The following CTNND2 variants were observed in gnomAD, a reference collection of about 807,000 sequenced individuals.
The protein encoded by CTNND2 is catenin delta-2.
In CTNND2, 22 loss-of-function variants were observed where a neutral mutation model predicts 144.4. The ratio of observed to expected loss-of-function variants is 0.15; its 90% CI spans 0.11 to 0.22. The LOEUF (loss-of-function observed/expected upper bound fraction) is 0.22. CTNND2 is among the 10% of genes least tolerant of loss of function. CTNND2 has a pLI of 1.00. For synonymous variants in CTNND2, 751 were observed against 695.6 expected (o/e 1.08, Z -1.25); for missense variants, 1,353 against 1,618.8 (o/e 0.84, Z 2.82).
At chr5:11,580,269 T>C (rs933763810) in intron 2 of CTNND2, among the ~76,000 whole-genome samples, 1 of 152,206 alleles carries the variant, frequency 6.6e-6, no homozygotes, top group African/African-American at 2.4e-5. Flanking sequence ...CTACCCATGG[T>C]TAACCAGTTG....
intron 2 of CTNND2, among the ~76,000 whole-genome samples, chr5:11,643,147 G>A (rs974784639): frequency 3.9e-5 from 6 of 152,178 alleles, no homozygotes; most frequent in East Asian, 1.9e-4. Context: ...AAAATAGATC[G>A]CAAACTGTAA....
chr5:11,004,445 T>C (rs1740267502), intron 18 of CTNND2, among the ~76,000 whole-genome samples: 1 of 152,152 alleles, frequency 6.6e-6, no homozygotes, highest in Non-Finnish European at 1.5e-5. Flanking sequence ...AACTTCAAGT[T>C]CTCTATATTC....
intron 1 of CTNND2, among the ~76,000 whole-genome samples, chr5:11,840,681 A>C (rs1441725596): frequency 3.9e-5 from 6 of 152,184 alleles, no homozygotes; most frequent in African/African-American, 1.4e-4. Flanking sequence ...CATGCTGTTT[A>C]GAGTAAAATA....
At chr5:11,789,316 G>A (rs1021850437) in intron 1 of CTNND2, among the ~76,000 whole-genome samples, 2 of 152,104 alleles carry the variant, frequency 1.3e-5, no homozygotes, top group East Asian at 3.9e-4. Context: ...ATTTTGGAGT[G>A]GGAGAGCATT....
intron 3 of CTNND2, among the ~76,000 whole-genome samples, chr5:11,423,330 G>C (rs1232463167): frequency 6.6e-6 from 1 of 152,188 alleles, no homozygotes; most frequent in Non-Finnish European, 1.5e-5. Context: ...CCCTGATCCT[G>C]AGAGTGAAGA....
intron 16 of CTNND2, among the ~76,000 whole-genome samples, chr5:11,038,347 T>C (rs1386907998): frequency 1.3e-5 from 2 of 152,024 alleles, no homozygotes; most frequent in Non-Finnish European, 2.9e-5. Context: ...CTTACAGGAG[T>C]GTGAGCCCTA....
At chr5:11,311,598 C>T (rs1274495912) in intron 9 of CTNND2, among the ~76,000 whole-genome samples, 1 of 140,044 alleles carries the variant, frequency 7.1e-6, no homozygotes, top group African/African-American at 2.7e-5. Flanking sequence ...CATACATACT[C>T]TCACACACTC....
intron 16 of CTNND2, among the ~76,000 whole-genome samples, chr5:11,048,427 A>G (rs1031937472): frequency 6.6e-6 from 1 of 152,208 alleles, no homozygotes; most frequent in Non-Finnish European, 1.5e-5. Context: ...TTGCATGCAT[A>G]TATTTTTAGG....
chr5:11,124,142 C>G (rs1020151895), intron 12 of CTNND2, among the ~76,000 whole-genome samples: 2 of 152,100 alleles, frequency 1.3e-5, no homozygotes, highest in Admixed American at 6.5e-5. Context: ...ACAGGCACCC[C>G]CAGTAACAAG....
chr5:11,192,779 G>T (rs1158348098), intron 11 of CTNND2, among the ~76,000 whole-genome samples: 1 of 152,140 alleles, frequency 6.6e-6, no homozygotes, highest in Admixed American at 6.5e-5. Context: ...TGTCAGGCCT[G>T]TAACCTCCAG....
intron 3 of CTNND2, among the ~76,000 whole-genome samples, chr5:11,443,353 G>A (rs1436387695): frequency 3.6e-5 from 2 of 55,918 alleles, no homozygotes; most frequent in African/African-American, 8.6e-5. Context: ...GAGTGTGTGG[G>A]AGGGTGTGTG....
At chr5:11,656,836 G>T (rs1782940386) in intron 2 of CTNND2, among the ~76,000 whole-genome samples, 1 of 152,078 alleles carries the variant, frequency 6.6e-6, no homozygotes, top group African/African-American at 2.4e-5. Context: ...TCAGTATAAA[G>T]AAGACAGGCA....
chr5:11,441,725 T>C (rs1164188598), intron 3 of CTNND2, among the ~76,000 whole-genome samples: 1 of 149,094 alleles, frequency 6.7e-6, no homozygotes, highest in Non-Finnish European at 1.5e-5. Context: ...TAATACCCTG[T>C]CTCACTGAAC....
intron 11 of CTNND2, among the ~76,000 whole-genome samples, chr5:11,199,126 G>A (rs555446977): frequency 1.3e-5 from 2 of 152,266 alleles, no homozygotes; most frequent in South Asian, 4.1e-4. Flanking sequence ...CTTGTCCTTT[G>A]ATCAATTATT....
At chr5:11,442,589 G>A (rs1245567405) in intron 3 of CTNND2, among the ~76,000 whole-genome samples, 1 of 151,838 alleles carries the variant, frequency 6.6e-6, no homozygotes, top group Non-Finnish European at 1.5e-5. Context: ...AATAGGATTA[G>A]CTTTACTGAA....
intron 10 of CTNND2, among the ~76,000 whole-genome samples, chr5:11,216,383 C>T (rs2149855861): frequency 6.6e-6 from 1 of 152,318 alleles, no homozygotes; most frequent in East Asian, 1.9e-4. Flanking sequence ...GAGCTCCATG[C>T]AACCAAAAAG....
intron 8 of CTNND2, among the ~76,000 whole-genome samples, chr5:11,359,963 C>T (rs1756278891): frequency 6.6e-6 from 1 of 152,140 alleles, no homozygotes; most frequent in South Asian, 2.1e-4. Context: ...CTTGGGTACC[C>T]TGCTCCTTGG....
chr5:11,215,236 T>C (rs1042756682), intron 10 of CTNND2, among the ~76,000 whole-genome samples: 5 of 152,196 alleles, frequency 3.3e-5, no homozygotes, highest in Non-Finnish European at 5.9e-5. Flanking sequence ...TAAGAAGATA[T>C]CTCGGAAACT....
intron 9 of CTNND2, among the ~76,000 whole-genome samples, chr5:11,283,148 T>C (rs1482179894): frequency 6.6e-6 from 1 of 152,180 alleles, no homozygotes; most frequent in East Asian, 1.9e-4. Flanking sequence ...AAATTCTGAG[T>C]AGTTTTTAAC....
Sources: gnomAD v4.1 joint callset for allele counts (sites outside exome capture counted in the v4.1 genomes callset) on GRCh38, gnomAD v4.1.1 for gene constraint, MANE v1.5 for transcripts, NCBI Gene and HGNC (gene_info 2026-07-23, HGNC 2026-07-21) for gene names.